The following WDR3 variants were observed in gnomAD, a reference collection of about 807,000 sequenced individuals.
The protein encoded by WDR3 is WD repeat-containing protein 3.
A neutral mutation model predicts 123.7 loss-of-function variants in WDR3; 81 were observed. The ratio of observed to expected loss-of-function variants is 0.65; its 90% CI spans 0.55 to 0.79. WDR3 has a LOEUF of 0.79. WDR3 is among the 30% of genes least tolerant of loss of function. The pLI is 0.00. For synonymous variants in WDR3, 390 were observed against 388.8 expected (o/e 1.00, Z -0.04); for missense variants, 1,027 against 1,123.2 (o/e 0.91, Z 1.22).
In WDR3 at chr1:117,963,905, G is replaced by C; in HGVS notation, c.*4458G>C. On this transcript the variant is annotated 3_prime_UTR_variant, in exon 27 of 27. Transcript: ENST00000349139. ...TTCTTTTCCCTGGGGAAAGTCTTTT[G>C]GTCGTTTATCATAATTGCTGCTTGT... 6.2e-7 allele frequency: 1 copy of C among 1,613,826 alleles called. No homozygotes were observed. Among genetic ancestry groups the C allele is most frequent in the South Asian group, 1.1e-5 (1 of 91,040 alleles).
Position 117,963,831 on chromosome 1 carries a change from C to T in WDR3, c.*4384C>T, listed in dbSNP as rs756513077. On this transcript the variant is annotated 3_prime_UTR_variant, in exon 27 of 27. Coordinates refer to ENST00000349139, the MANE Select transcript of WDR3 (RefSeq NM_006784.3). The stretch of plus-strand genomic sequence containing the variant: ...GGAGAAACTTTACGAGACATGAAGA[C>T]TCCAAGTGTGGAGGAATAAATTGTA... 4 of 1,613,684 alleles carry T rather than the reference C, an allele frequency of 2.5e-6. No homozygotes were observed. The African/African-American group carries it at 4.0e-5, about 16-fold the overall frequency.
Position 117,959,408 on chromosome 1 carries a change from G to A in WDR3, c.2793G>A (p.Lys931=), listed in dbSNP as rs1273509228. ...ATSHLEEKKR[K]RKKREKLILT... ...GCCACTTGGAAGAGAAGAAGAGGAA[G>A]AGGAAAAAGAGGGAGAAGTTGATTC... The change falls in exon 27 of 27, where the codon AAG becomes AAA. Residue 931 remains lysine (K), a synonymous_variant. Coordinates refer to ENST00000349139, the MANE Select transcript of WDR3 (RefSeq NM_006784.3). 2.5e-6 allele frequency: 4 copies of A among 1,612,152 alleles called. No individual in the cohort carries two copies. Among genetic ancestry groups the A allele is most frequent in the Non-Finnish European group, 2.5e-6 (3 of 1,179,264 alleles).
chr1:117,933,584 GT>G, intron 2 of WDR3, 94 bp downstream of exon 2: 2 of 1,528,594 alleles, frequency 1.3e-6, no homozygotes, highest in Non-Finnish European at 1.8e-6. Flanking sequence ...TTTATCATGA[GT>G]TTTTTTGTGT....
At chr1:117,946,735 A>G (rs1380993338) in intron 12 of WDR3, among the ~76,000 whole-genome samples, 3 of 151,950 alleles carry the variant, frequency 2.0e-5, no homozygotes, top group Non-Finnish European at 2.9e-5. Context: ...AGGTCAGGAG[A>G]TCGAGACCAT....
Position 117,949,109 on chromosome 1 carries a change from T to G in WDR3, c.1524+603T>G, listed in dbSNP as rs530201231. ...AAAAATCACTGAAGTTTAGAGTGTT[T>G]AATACCACTTGGGGTCCAAACGAAA... On this transcript the variant is annotated intron_variant, in intron 13 of 26. Transcript: ENST00000349139. Among the ~76,000 whole-genome samples, 4 of 152,320 alleles carry G rather than the reference T, an allele frequency of 2.6e-5. No individual in the cohort carries two copies. The East Asian group carries it at 7.7e-4, about 29-fold the overall frequency.
At chr1:117,946,834 G>A (rs1176996340) in intron 12 of WDR3, among the ~76,000 whole-genome samples, 2 of 151,330 alleles carry the variant, frequency 1.3e-5, no homozygotes, top group South Asian at 2.1e-4. Flanking sequence ...CCAGCTACTC[G>A]GGAGGCTGAG....
chr1:117,949,223 C>G (rs1316682062), intron 13 of WDR3, among the ~76,000 whole-genome samples: 1 of 151,780 alleles, frequency 6.6e-6, no homozygotes, highest in East Asian at 1.9e-4. Context: ...TTCAACAAAA[C>G]TAGGGATTTA....
rs139865932 is a variant in WDR3, at chr1:117,936,863, G to A, written c.476G>A (p.Arg159Gln). 2.6e-5 allele frequency: 42 copies of A among 1,612,900 alleles called. No individual in the cohort carries two copies. The highest frequency in any genetic ancestry group is 6.7e-5 in the African/African-American group (5 of 74,880). Residue 159 changes from arginine to glutamine, a missense_variant, in exon 4 of 27, where the codon CGA becomes CAA. By Grantham distance (43) the Arg-to-Gln change is conservative. Transcript: ENST00000349139. ...GCCATCACACAAGCATTGTTTCTAC[G>A]AGAAAAGAACCTGCTAGTTACTAGG... ...KDAITQALFL[R>Q]EKNLLVTSGK...
intron 22 of WDR3, 78 bp from the exon 23 acceptor site, chr1:117,954,502 C>A: frequency 7.3e-7 from 1 of 1,361,090 alleles, no homozygotes; most frequent in Non-Finnish European, 1.0e-6. Context: ...TTATAAAATA[C>A]AGTTACCACT....
Position 117,955,370 on chromosome 1 carries a change from C to G in WDR3, c.2453+12C>G, listed in dbSNP as rs1269964153. 1.2e-6 allele frequency: 2 copies of G among 1,610,262 alleles called. No individual in the cohort carries two copies. Among genetic ancestry groups the G allele is most frequent in the Non-Finnish European group, 1.7e-6 (2 of 1,177,872 alleles). On this transcript the variant is annotated intron_variant, in intron 24 of 26. Coordinates refer to ENST00000349139, the MANE Select transcript of WDR3 (RefSeq NM_006784.3). The stretch of plus-strand genomic sequence containing the variant: ...GGGATCAAGTCGAGGTGAGTGAGTC[C>G]TTGCGCACAATTTTTGTAATCTGTC...
Position 117,962,221 on chromosome 1 carries a change from A to G in WDR3, c.*2774A>G, listed in dbSNP as rs1653192784. The G allele has an allele frequency of 3.3e-5, 5 of 152,196 alleles. No homozygotes were observed. In the South Asian group the frequency reaches 1.0e-3, roughly 31 times the overall value. The allele number at this position is 152,196 out of a possible 1,614,324, so 9.4% of individuals were successfully genotyped here. A position where few individuals can be genotyped will look rare whatever the true frequency, so the allele number is the denominator to read the frequency against. On this transcript the variant is annotated 3_prime_UTR_variant, in exon 27 of 27. Coordinates refer to ENST00000349139, the MANE Select transcript of WDR3 (RefSeq NM_006784.3). ...GAACTTTTATGATAAAGTGACATGT[A>G]CAGAACCTAGCCAAGTTACAATTTT...
intron 7 of WDR3, 33 bp from the exon 8 acceptor site, chr1:117,941,091 T>A (rs931955116): frequency 1.4e-5 from 22 of 1,611,488 alleles, no homozygotes; most frequent in Non-Finnish European, 1.8e-5. Context: ...AGAACTTACA[T>A]CTAACCTTCA....
At chr1:117,950,944 C>CT in intron 16 of WDR3, 54 bp downstream of exon 16, 2 of 1,434,414 alleles carry the variant, frequency 1.4e-6, no homozygotes, top group Non-Finnish European at 1.9e-6. Flanking sequence ...ACAGCAGATA[C>CT]TTTCTTAATT....
chr1:117,956,652 G>C (rs1264494427), intron 24 of WDR3, among the ~76,000 whole-genome samples: 1 of 151,902 alleles, frequency 6.6e-6, no homozygotes, highest in African/African-American at 2.4e-5. Context: ...TATTTTCCCA[G>C]ATTAAAAGGC....
intron 7 of WDR3, 77 bp from the exon 8 acceptor site, chr1:117,941,047 C>A: frequency 6.3e-7 from 1 of 1,587,506 alleles, no homozygotes; most frequent in Admixed American, 1.7e-5. Context: ...GTCACTTGCA[C>A]TTATTAGAAT....
intron 11 of WDR3, 55 bp from the exon 12 acceptor site, chr1:117,946,030 TA>T: frequency 7.0e-7 from 1 of 1,432,308 alleles, no homozygotes; most frequent in Non-Finnish European, 9.6e-7. Context: ...CACTGACCTC[TA>T]AAATGGGGAT....
At chr1:117,932,493 A>G (rs1372335063) in intron 1 of WDR3, among the ~76,000 whole-genome samples, 16 of 152,212 alleles carry the variant, frequency 1.1e-4, no homozygotes. Context: ...TTGGATGTAT[A>G]CTAGAGTTAG....
chr1:117,959,211 T>A, intron 26 of WDR3, 81 bp from the exon 27 acceptor site: 1 of 1,506,128 alleles, frequency 6.6e-7, no homozygotes, highest in Non-Finnish European at 8.9e-7. Context: ...CCTGAAGCTT[T>A]GGTTACCCTA....
Position 117,952,373 on chromosome 1 carries a change from G to A in WDR3, c.1981G>A (p.Asp661Asn). Residue 661 changes from aspartate to asparagine, a missense_variant, in exon 18 of 27, where the codon GAT becomes AAT. Transcript: ENST00000349139. ...AGKDHKIKQWDADKFEHIQTL... is the reference protein window; with the variant it reads ...AGKDHKIKQWNADKFEHIQTL... ...AAAAGATCATAAGATTAAACAGTGGGATGCAGACAAATTTGAACACATACA... is the reference window on the plus strand; with the variant it reads ...AAAAGATCATAAGATTAAACAGTGGAATGCAGACAAATTTGAACACATACA... 1.9e-6 allele frequency: 3 copies of A among 1,613,362 alleles called. No individual in the cohort carries two copies. Among genetic ancestry groups the A allele is most frequent in the South Asian group, 2.2e-5 (2 of 91,002 alleles).
Sources: allele counts gnomAD v4.1 joint callset (sites outside exome capture counted in the v4.1 genomes callset), GRCh38; gene constraint gnomAD v4.1.1; transcripts MANE v1.5; gene names NCBI Gene and HGNC (gene_info 2026-07-23, HGNC 2026-07-21).